KCNH7: variants seen among roughly 807,000 people sequenced by gnomAD.
KCNH7 encodes voltage-gated inwardly rectifying potassium channel KCNH7.
KCNH7 carries 49 observed loss-of-function variants against 120.8 expected under a neutral mutation model. The ratio of observed to expected loss-of-function variants is 0.41; its 90% confidence interval spans 0.32 to 0.51. The LOEUF (loss-of-function observed/expected upper bound fraction) is 0.51. Among genes scored for constraint, KCNH7 ranks in the 20% least tolerant of loss-of-function variants. The pLI, the probability that KCNH7 is intolerant of heterozygous loss-of-function variation, is 0.38. For synonymous variants in KCNH7, 547 were observed against 516.1 expected (o/e 1.06, Z -0.81); for missense variants, 1,097 against 1,446.6 (o/e 0.76, Z 3.92).
intron 2 of KCNH7, among the ~76,000 whole-genome samples, chr2:162,642,894 T>C (rs755088929): frequency 1.3e-5 from 2 of 152,188 alleles, no homozygotes; most frequent in Non-Finnish European, 2.9e-5. Flanking sequence ...GTATTTAATT[T>C]TAAGCTGAAA....
chr2:162,611,696 G>A (rs566163583), intron 2 of KCNH7, among the ~76,000 whole-genome samples: 1 of 152,234 alleles, frequency 6.6e-6, no homozygotes, highest in Non-Finnish European at 1.5e-5. Context: ...GCATATTTGA[G>A]CATGTTGTGA....
At chr2:162,799,529 T>C (rs1684267132) in intron 2 of KCNH7, among the ~76,000 whole-genome samples, 2 of 152,022 alleles carry the variant, frequency 1.3e-5, no homozygotes, top group South Asian at 4.1e-4. Flanking sequence ...ATGATCATTA[T>C]AAATATTTAT....
chr2:162,531,753 C>T (rs1453884654), intron 3 of KCNH7, among the ~76,000 whole-genome samples: 1 of 151,778 alleles, frequency 6.6e-6, no homozygotes, highest in Non-Finnish European at 1.5e-5. Context: ...ATATTAGAAT[C>T]ATATTACATT....
chr2:162,659,464 C>T (rs1229494802), intron 2 of KCNH7, among the ~76,000 whole-genome samples: 2 of 151,800 alleles, frequency 1.3e-5, no homozygotes, highest in Non-Finnish European at 2.9e-5. Flanking sequence ...GCCTCAGCCT[C>T]GTGAGTACCT....
intron 3 of KCNH7, among the ~76,000 whole-genome samples, chr2:162,531,142 G>T (rs1691910492): frequency 6.6e-6 from 1 of 151,936 alleles, no homozygotes; most frequent in African/African-American, 2.4e-5. Context: ...CATAAAATAA[G>T]AAGCAGAATC....
At chr2:162,688,301 A>T (rs1685968928) in intron 2 of KCNH7, among the ~76,000 whole-genome samples, 2 of 152,136 alleles carry the variant, frequency 1.3e-5, no homozygotes, top group African/African-American at 2.4e-5. Context: ...TCCTTTTGTC[A>T]AATTTAATTT....
At chr2:162,721,137 G>T (rs1162200955) in intron 2 of KCNH7, among the ~76,000 whole-genome samples, 1 of 152,124 alleles carries the variant, frequency 6.6e-6, no homozygotes, top group African/African-American at 2.4e-5. Flanking sequence ...CTACCATTCA[G>T]AAAATAGTTG....
intron 2 of KCNH7, among the ~76,000 whole-genome samples, chr2:162,589,030 G>A (rs947279765): frequency 1.3e-5 from 2 of 151,944 alleles, no homozygotes; most frequent in African/African-American, 4.8e-5. Context: ...AGATAATCTG[G>A]GTAGTTAAGG....
chr2:162,815,742 C>A (rs1156446618), intron 2 of KCNH7, among the ~76,000 whole-genome samples: 1 of 152,172 alleles, frequency 6.6e-6, no homozygotes, highest in Admixed American at 6.5e-5. Context: ...TTTATAAATA[C>A]AACCAGTACC....
chr2:162,492,777 C>T (rs1281452531), intron 6 of KCNH7, among the ~76,000 whole-genome samples: 3 of 149,266 alleles, frequency 2.0e-5, no homozygotes, highest in Non-Finnish European at 4.4e-5. Flanking sequence ...AAAGGATTTC[C>T]TTAAAGTGTA....
At chr2:162,423,254 C>T in intron 9 of KCNH7, 82 bp downstream of exon 9, 2 of 1,608,120 alleles carry the variant, frequency 1.2e-6, no homozygotes, top group Non-Finnish European at 1.7e-6. Flanking sequence ...GGGTTCAAAG[C>T]TGGTGATTCC....
intron 2 of KCNH7, among the ~76,000 whole-genome samples, chr2:162,547,327 G>C (rs1692513294): frequency 6.6e-6 from 1 of 152,142 alleles, no homozygotes; most frequent in Non-Finnish European, 1.5e-5. Flanking sequence ...ACATGATTGT[G>C]ATAGGTAGAA....
At chr2:162,697,601 CATGGA>C (rs904196723) in intron 2 of KCNH7, among the ~76,000 whole-genome samples, 4 of 151,920 alleles carry the variant, frequency 2.6e-5, no homozygotes, top group Admixed American at 1.3e-4. Flanking sequence ...TGGCAGAGGG[CATGGA>C]AAGGGCTTCT....
At chr2:162,417,410 T>C (rs1015642216) in intron 9 of KCNH7, among the ~76,000 whole-genome samples, 16 of 152,156 alleles carry the variant, frequency 1.1e-4, no homozygotes, top group Non-Finnish European at 1.5e-5. Flanking sequence ...TCCAAAGTTT[T>C]TTGAAACACA....
intron 2 of KCNH7, among the ~76,000 whole-genome samples, chr2:162,751,945 A>G (rs1380187869): frequency 6.6e-6 from 1 of 152,090 alleles, no homozygotes; most frequent in African/African-American, 2.4e-5. Flanking sequence ...AATATTTTTA[A>G]CACTAGAATA....
chr2:162,434,645 A>G lies in KCNH7; in HGVS notation c.1954+553T>C, dbSNP rs531465495. 1.8e-4 allele frequency among the ~76,000 whole-genome samples: 28 copies of G among 152,150 alleles called. No homozygotes were observed. The South Asian group carries it at 5.8e-3, about 32-fold the overall frequency. Reference sequence around the variant, plus strand: ...TAATGCCACAGGAAAAGAAATTTTTAGTCAATGACAGGGAAAATTACATGT... The same window carrying G: ...TAATGCCACAGGAAAAGAAATTTTTGGTCAATGACAGGGAAAATTACATGT... On this transcript the variant is annotated intron_variant, in intron 8 of 15. Transcript: ENST00000332142.
intron 9 of KCNH7, among the ~76,000 whole-genome samples, chr2:162,416,391 A>T (rs1687543015): frequency 6.6e-6 from 1 of 152,046 alleles, no homozygotes; most frequent in Admixed American, 6.6e-5. Context: ...AAAAAAAAAA[A>T]AGAATAGCTC....
chr2:162,605,763 T>C (rs1049809468), intron 2 of KCNH7, among the ~76,000 whole-genome samples: 2 of 152,112 alleles, frequency 1.3e-5, no homozygotes, highest in African/African-American at 4.8e-5. Flanking sequence ...TAAAGTTTCA[T>C]TTTACAGTAT....
chr2:162,657,246 T>C (rs1213514654), intron 2 of KCNH7, among the ~76,000 whole-genome samples: 5 of 152,192 alleles, frequency 3.3e-5, no homozygotes, highest in South Asian at 2.1e-4. Flanking sequence ...ATGAAATATA[T>C]CCAGCGCTAT....
Sources: allele counts gnomAD v4.1 joint callset (sites outside exome capture counted in the v4.1 genomes callset), GRCh38; gene constraint gnomAD v4.1.1; transcripts MANE v1.5; gene names NCBI Gene and HGNC (gene_info 2026-07-23, HGNC 2026-07-21).